Variants in ERG28 observed in about 807,000 individuals in gnomAD.
ERG28 encodes ergosterol biosynthetic protein 28 homolog.
A neutral mutation model predicts 15.7 loss-of-function variants in ERG28; 9 were observed. The observed-to-expected ratio is 0.57, with a 90% CI of 0.35 to 1.00. The LOEUF is 1.00. Ranked by LOEUF, ERG28 falls within the 50% of genes least tolerant of loss-of-function variation. ERG28 has a pLI of 0.02. For missense variants in ERG28, 117 were observed against 173.3 expected (o/e 0.68, Z 1.82); for synonymous variants, 61 against 68.4 (o/e 0.89, Z 0.53).
intron 1 of ERG28, among the ~76,000 whole-genome samples, chr14:75,658,347 A>T (rs1425870448): frequency 6.6e-6 from 1 of 152,048 alleles, no homozygotes; most frequent in African/African-American, 2.4e-5. Flanking sequence ...ATATTCTGCC[A>T]CAAGGTTTTT....
chr14:75,659,874 C>G (rs1295686638), intron 1 of ERG28, among the ~76,000 whole-genome samples: 1 of 149,904 alleles, frequency 6.7e-6, no homozygotes, highest in East Asian at 2.0e-4. Flanking sequence ...GCCGCCCCCC[C>G]CCGCCAACTC....
intron 2 of ERG28, among the ~76,000 whole-genome samples, chr14:75,656,510 T>G (rs899597358): frequency 6.6e-6 from 1 of 152,190 alleles, no homozygotes; most frequent in Admixed American, 6.5e-5. Flanking sequence ...CTTTCCCAGG[T>G]TCTTTACTCT....
chr14:75,660,305 G>A (rs2140067531), intron 1 of ERG28, among the ~76,000 whole-genome samples: 1 of 152,238 alleles, frequency 6.6e-6, no homozygotes, highest in East Asian at 1.9e-4. Context: ...ATTTTGTCCT[G>A]GCCCTGGCCC....
chr14:75,653,543 G>A (rs1025984094), intron 3 of ERG28, among the ~76,000 whole-genome samples: 1 of 151,774 alleles, frequency 6.6e-6, no homozygotes, highest in Non-Finnish European at 1.5e-5. Flanking sequence ...CGGAGGTGGA[G>A]GTTGCAGGGA....
chr14:75,659,597 C>G (rs1890650818), intron 1 of ERG28, among the ~76,000 whole-genome samples: 1 of 145,292 alleles, frequency 6.9e-6, no homozygotes. Context: ...TAGTTCAACT[C>G]TTGTTGAGTA....
chr14:75,660,240 CT>C lies in ERG28; in HGVS notation c.-32+534del, dbSNP rs200651147. On this transcript the variant is annotated intron_variant, in intron 1 of 4. Coordinates refer to ENST00000256319, the MANE Select transcript of ERG28 (RefSeq NM_007176.4). ...TGAATTGCTCTGCCAATTTCTCAAC[CT>C]AATTTCCCTAAAGCTTAAGGGCCTC... 6.1e-3 allele frequency among the ~76,000 whole-genome samples: 932 copies of C among 152,324 alleles called. 7 individuals are homozygous for C. The highest frequency in any genetic ancestry group is 0.019 in the South Asian group (93 of 4,830).
At position 75,650,998 on chromosome 14, in the gene ERG28, G is replaced by C. The variant is rs942234807; in HGVS notation, c.*557C>G. 1 of 154,082 alleles carries C rather than the reference G, an allele frequency of 6.5e-6. No individual in the cohort carries two copies. Among genetic ancestry groups the C allele is most frequent in the Non-Finnish European group, 1.4e-5 (1 of 69,084 alleles). The allele number at this position is 154,082 out of a possible 1,614,324, so 9.5% of individuals were successfully genotyped here. ...CTCTTCCAACCCTCATGCATCTGTA[G>C]ATAGAAGGAGAGCTGTGGTCTTGCT... is the stretch of plus-strand genomic sequence containing the variant. On this transcript the variant is annotated 3_prime_UTR_variant, in exon 5 of 5. Transcript: ENST00000256319.
At chr14:75,653,084 A>G (rs1890550333) in intron 3 of ERG28, among the ~76,000 whole-genome samples, 1 of 151,900 alleles carries the variant, frequency 6.6e-6, no homozygotes, top group Non-Finnish European at 1.5e-5. Context: ...TTGGCCTCCC[A>G]AAGTGCTGGG....
chr14:75,655,450 A>C (rs1224361233), intron 2 of ERG28, among the ~76,000 whole-genome samples: 1 of 152,154 alleles, frequency 6.6e-6, no homozygotes, highest in Non-Finnish European at 1.5e-5. Flanking sequence ...AAGATATGTG[A>C]GTGCCTGGGT....
chr14:75,651,649 A>G lies in ERG28; in HGVS notation c.344-15T>C, dbSNP rs373496095. 6 of 1,610,380 alleles carry G rather than the reference A, an allele frequency of 3.7e-6. No individual in the cohort carries two copies. The South Asian group carries it at 5.5e-5, about 15-fold the overall frequency. ...GATGGAGAAACCTTAAATACAGAGG[A>G]AAGACTAGTGACTAACATACATACG... On this transcript the variant is annotated splice_polypyrimidine_tract_variant and intron_variant, in intron 4 of 4. Transcript: ENST00000256319.
At chr14:75,660,158 G>A (rs1478450430) in intron 1 of ERG28, among the ~76,000 whole-genome samples, 2 of 152,228 alleles carry the variant, frequency 1.3e-5, no homozygotes, top group Non-Finnish European at 2.9e-5. Context: ...TTTCACAGAA[G>A]TGTTATCTGT....
At chr14:75,654,779 G>A (rs1890575842) in intron 3 of ERG28, 107 bp downstream of exon 3, 2 of 1,175,998 alleles carry the variant, frequency 1.7e-6, no homozygotes, top group Non-Finnish European at 2.5e-6. Flanking sequence ...CACATTCTAA[G>A]CTAATGCATT....
Position 75,651,861 on chromosome 14 carries a change from G to C in ERG28, c.253C>G (p.Leu85Val). 2 of 1,613,696 alleles carry C rather than the reference G, an allele frequency of 1.2e-6. No homozygotes were observed. The highest frequency in any genetic ancestry group is 1.7e-6 in the Non-Finnish European group (2 of 1,179,602). The change falls in exon 4 of 5, where the codon CTC (leucine) becomes GTC (valine). Residue 85 changes from leucine (L) to valine (V), a missense_variant. Leu to Val is a conservative substitution (Grantham distance 32, BLOSUM62 1). Coordinates refer to ENST00000256319, the MANE Select transcript of ERG28 (RefSeq NM_007176.4). ...GAGAGGAAATGCCCCAGGGCAAGGA[G>C]GAAGGTCCAGAGTGTGATGTGATAG... ...TLYHITLWTF[L>V]LALGHFLSEL...
At chr14:75,654,781 TA>T in intron 3 of ERG28, 104 bp downstream of exon 3, 1 of 1,185,568 alleles carries the variant, frequency 8.4e-7, no homozygotes, top group Non-Finnish European at 1.3e-6. Flanking sequence ...CATTCTAAGC[TA>T]ATGCATTAAA....
At position 75,650,024 on chromosome 14, in the gene ERG28, T is replaced by G. The variant is rs1431947251; in HGVS notation, c.*1531A>C. ...GTTAGCTGGATGTGGTGGTACACAC[T>G]TGTAGTCCCAGCTACTTGGGAAGCT... On this transcript the variant is annotated 3_prime_UTR_variant, in exon 5 of 5. Coordinates refer to ENST00000256319, the MANE Select transcript of ERG28 (RefSeq NM_007176.4). 2.0e-5 allele frequency: 3 copies of G among 152,316 alleles called. No individual in the cohort carries two copies. The highest frequency in any genetic ancestry group is 7.2e-5 in the African/African-American group (3 of 41,424). 9.4% of individuals were successfully genotyped at this position (152,316 alleles called of 1,614,324 possible). A position where few individuals can be genotyped will look rare whatever the true frequency, so the allele number is the denominator to read the frequency against.
chr14:75,657,647 G>T, intron 1 of ERG28, 114 bp from the exon 2 acceptor site: 2 of 888,478 alleles, frequency 2.3e-6, no homozygotes, highest in Admixed American at 2.6e-5. Context: ...CACACTAATA[G>T]TGGTGAATGA....
chr14:75,652,817 CTTTTTTTTTT>C (rs59570063), intron 3 of ERG28, among the ~76,000 whole-genome samples: 1 of 96,210 alleles, frequency 1.0e-5, no homozygotes, highest in Non-Finnish European at 1.8e-5. Flanking sequence ...ATTTTTACAC[CTTTTTTTTTT>C]TTTTTTTTTT....
At chr14:75,658,037 C>A (rs10132250) in intron 1 of ERG28, among the ~76,000 whole-genome samples, 88,719 of 152,000 alleles carry the variant, frequency 0.58, 27,310 homozygotes, top group Non-Finnish European at 0.69. Context: ...GTGTCAACTC[C>A]AAATAAAATC....
At chr14:75,656,505 C>G (rs2140064957) in intron 2 of ERG28, among the ~76,000 whole-genome samples, 1 of 152,272 alleles carries the variant, frequency 6.6e-6, no homozygotes, top group East Asian at 1.9e-4. Context: ...GCTCACTTTC[C>G]CAGGTTCTTT....
Sources: allele counts gnomAD v4.1 joint callset (sites outside exome capture counted in the v4.1 genomes callset), GRCh38; gene constraint gnomAD v4.1.1; transcripts MANE v1.5; gene names NCBI Gene and HGNC (gene_info 2026-07-23, HGNC 2026-07-21).